ANKRD28: variants seen among roughly 807,000 people sequenced by gnomAD.
The protein encoded by ANKRD28 is serine/threonine-protein phosphatase 6 regulatory ankyrin repeat subunit A.
A neutral mutation model predicts 126.5 loss-of-function variants in ANKRD28; 44 were observed. That is an observed-to-expected ratio of 0.35 (90% CI 0.27 to 0.45). The LOEUF (loss-of-function observed/expected upper bound fraction) is 0.45. ANKRD28 is among the 20% of genes least tolerant of loss of function. The pLI is 1.00. For synonymous variants in ANKRD28, 442 were observed against 468.5 expected, an observed-to-expected ratio of 0.94 and a Z score of 0.73; for missense variants, 1,110 against 1,316.6, an observed-to-expected ratio of 0.84 and a Z score of 2.43.
intron 2 of ANKRD28, among the ~76,000 whole-genome samples, chr3:15,778,528 T>C (rs1016787699): frequency 6.6e-5 from 10 of 152,210 alleles, no homozygotes; most frequent in African/African-American, 2.4e-4. Context: ...CACCCTCCAC[T>C]AGCAGAGAAT....
intron 14 of ANKRD28, among the ~76,000 whole-genome samples, chr3:15,701,647 A>T (rs1019353662): frequency 2.0e-5 from 3 of 152,136 alleles, no homozygotes; most frequent in Non-Finnish European, 2.9e-5. Flanking sequence ...TCCGTCTCAA[A>T]AAATAAATAA....
In ANKRD28 at chr3:15,833,635, T is replaced by C. The variant is rs114917948; in HGVS notation, c.27+25742A>G. 1.7e-3 allele frequency among the ~76,000 whole-genome samples: 261 copies of C among 151,736 alleles called. No individual in the cohort carries two copies. The highest frequency in any genetic ancestry group is 5.9e-3 in the African/African-American group (244 of 41,464). On this transcript the variant is annotated intron_variant, in intron 1 of 27. Transcript: ENST00000399451. The surrounding 1 kb of genome is among the most constrained non-coding windows in gnomAD (Gnocchi z 4.4). ...ATACAGCACCCTTGGCAACATCTGT[T>C]GTTTTTTTGACCTTTTAATAGTAAC...
At chr3:15,688,611 A>C (rs2068425783) in intron 18 of ANKRD28, among the ~76,000 whole-genome samples, 1 of 152,336 alleles carries the variant, frequency 6.6e-6, no homozygotes, top group South Asian at 2.1e-4. Context: ...TGGGAGTAAC[A>C]GTGGGTGTTA....
chr3:15,686,196 T>C lies in ANKRD28; in HGVS notation c.2051+26A>G, dbSNP rs201672117. Reference sequence around the variant, plus strand: ...GTTTTCGAAATACGCCCTTCTGTGATGCAACAATTATTTATCGAAACTTAC... The same window carrying C: ...GTTTTCGAAATACGCCCTTCTGTGACGCAACAATTATTTATCGAAACTTAC... On this transcript the variant is annotated intron_variant, in intron 19 of 27. Transcript: ENST00000683139. 5.0e-6 allele frequency: 8 copies of C among 1,589,402 alleles called. No individual in the cohort carries two copies. The South Asian group carries it at 5.7e-5, about 11-fold the overall frequency.
At chr3:15,699,949 G>A (rs2070310320) in intron 14 of ANKRD28, among the ~76,000 whole-genome samples, 2 of 152,110 alleles carry the variant, frequency 1.3e-5, no homozygotes, top group South Asian at 2.1e-4. Context: ...TGTTTACTGC[G>A]GCACTATTTG....
Position 15,669,424 on chromosome 3 carries a change from A to G in ANKRD28, c.*846T>C, listed in dbSNP as rs1197280093. 1 of 152,156 alleles carries G rather than the reference A, an allele frequency of 6.6e-6. No individual in the cohort carries two copies. Among genetic ancestry groups the G allele is most frequent in the African/African-American group, 2.4e-5 (1 of 41,440 alleles). The allele number at this position is 152,156 out of a possible 1,614,324, so 9.4% of individuals were successfully genotyped here. On this transcript the variant is annotated 3_prime_UTR_variant, in exon 28 of 28. Transcript: ENST00000683139. ...TGAATTTTTTTCTAGGAAATTCTTT[A>G]CATTTTCAAACAAAAATAGTACTAT...
intron 1 of ANKRD28, among the ~76,000 whole-genome samples, chr3:15,850,368 A>G (rs1260657573): frequency 6.6e-6 from 1 of 151,900 alleles, no homozygotes; most frequent in Non-Finnish European, 1.5e-5. Flanking sequence ...CCTAGGGCTA[A>G]CAAATGACCA....
At chr3:15,685,679 A>C (rs556734618) in intron 20 of ANKRD28, among the ~76,000 whole-genome samples, 1 of 152,358 alleles carries the variant, frequency 6.6e-6, no homozygotes, top group East Asian at 1.9e-4. Context: ...GAAACTTGGT[A>C]TTCAATGAAA....
At chr3:15,761,585 T>C (rs2058460403) in intron 3 of ANKRD28, among the ~76,000 whole-genome samples, 2 of 152,182 alleles carry the variant, frequency 1.3e-5, no homozygotes, top group Non-Finnish European at 2.9e-5. Flanking sequence ...CAGAACCTTA[T>C]GAGTCTATAT....
chr3:15,808,845 T>A lies in ANKRD28; in HGVS notation c.28-13539A>T, dbSNP rs1053954755. On this transcript the variant is annotated intron_variant, in intron 1 of 27. Coordinates refer to the ANKRD28 transcript ENST00000399451. ...GAAATTGCTCCAAGGTCATCAATGA[T>A]AATTTATTACAAAATCATCATTATT... Among the ~76,000 whole-genome samples, 10 of 152,224 alleles carry A rather than the reference T, an allele frequency of 6.6e-5. No homozygotes were observed. In the South Asian group the frequency reaches 2.1e-3, roughly 32 times the overall value.
At chr3:15,743,425 A>C (rs1476283653) in intron 4 of ANKRD28, among the ~76,000 whole-genome samples, 1 of 152,226 alleles carries the variant, frequency 6.6e-6, no homozygotes, top group Non-Finnish European at 1.5e-5. Flanking sequence ...TGGAGAGACC[A>C]CACAATATCT....
chr3:15,699,938 ATGTTTAC>A (rs1427111640), intron 14 of ANKRD28, among the ~76,000 whole-genome samples: 1 of 152,224 alleles, frequency 6.6e-6, no homozygotes, highest in Admixed American at 6.5e-5. Context: ...ATGCACACGT[ATGTTTAC>A]TGCGGCACTA....
At chr3:15,735,373 T>C (rs2074946631) in intron 6 of ANKRD28, 37 bp downstream of exon 6, 3 of 1,453,636 alleles carry the variant, frequency 2.1e-6, no homozygotes, top group Admixed American at 2.2e-5. Flanking sequence ...CTTTTCTAAA[T>C]ATATAATATC....
chr3:15,670,539 C>A lies in ANKRD28; in HGVS notation c.2983G>T (p.Ala995Ser), dbSNP rs1416197239. Reference sequence around the variant, plus strand: ...GCCACATCCTTATTGGGAGCACAGGCCAAAGCTGGGGTATAGCCTAGAATT... The same window carrying A: ...GCCACATCCTTATTGGGAGCACAGGACAAAGCTGGGGTATAGCCTAGAATT... The part of the protein sequence containing the change: ...VDENGYTPAL[A>S]CAPNKDVADC... Residue 995 changes from alanine to serine, a missense_variant, in exon 28 of 28, where the codon GCC (alanine) becomes TCC (serine). Transcript: ENST00000683139. The A allele has an allele frequency of 6.2e-7, 1 of 1,613,648 alleles. No individual in the cohort carries two copies. The highest frequency in any genetic ancestry group is 1.1e-5 in the South Asian group (1 of 91,058).
chr3:15,682,272 A>G (rs921860652), intron 21 of ANKRD28, among the ~76,000 whole-genome samples: 1 of 152,192 alleles, frequency 6.6e-6, no homozygotes, highest in African/African-American at 2.4e-5. Flanking sequence ...AAATTTCTCA[A>G]TTACAATTTC....
chr3:15,772,523 C>T (rs918914721), intron 2 of ANKRD28, among the ~76,000 whole-genome samples: 3 of 152,156 alleles, frequency 2.0e-5, no homozygotes, highest in Non-Finnish European at 4.4e-5. Flanking sequence ...GAAAAGGGTA[C>T]TACATCACGA....
rs73817049 is a variant in ANKRD28, at chr3:15,686,449, A to C, written c.1964-140T>G. ...TATGCAAGAATGAAAACTATAGGTA[A>C]AAAGAAGGTTTCTACGGCCTTTGAC... On this transcript the variant is annotated intron_variant, in intron 18 of 27. Coordinates refer to ENST00000683139, the MANE Select transcript of ANKRD28 (RefSeq NM_001349278.2). 0.021 allele frequency: 14,440 copies of C among 691,386 alleles called. 1,457 individuals are homozygous for C. In the African/African-American group the frequency reaches 0.22, roughly 11 times the overall value. The allele number at this position is 691,386 out of a possible 1,614,324, so 42.8% of individuals were successfully genotyped here. A position where few individuals can be genotyped will look rare whatever the true frequency, so the allele number is the denominator to read the frequency against.
At position 15,728,153 on chromosome 3, in the gene ANKRD28, A is replaced by AT. The variant is rs146003651; in HGVS notation, c.641-3630dup. Among the ~76,000 whole-genome samples the AT allele has an allele frequency of 2.1e-3, 318 of 151,528 alleles. 1 individual carries two copies. Among genetic ancestry groups the AT allele is most frequent in the African/African-American group, 6.6e-3 (271 of 41,326 alleles). On this transcript the variant is annotated intron_variant, in intron 6 of 27. Coordinates refer to ENST00000683139, the MANE Select transcript of ANKRD28 (RefSeq NM_001349278.2). ...GCTAAAGGCTCATACGATAGTTAGC[A>AT]TTTTTTTTTAGCAATAACATATTTT...
At chr3:15,745,857 C>T (rs2057443089) in intron 4 of ANKRD28, among the ~76,000 whole-genome samples, 1 of 152,022 alleles carries the variant, frequency 6.6e-6, no homozygotes, top group Non-Finnish European at 1.5e-5. Context: ...GGATATGTTT[C>T]TATTTGTGTT....
Sources: gnomAD v4.1 joint callset for allele counts (sites outside exome capture counted in the v4.1 genomes callset) on GRCh38, gnomAD v4.1.1 for gene constraint, Gnocchi (gnomAD v3.1) non-coding constraint, MANE v1.5 for transcripts, NCBI Gene and HGNC (gene_info 2026-07-23, HGNC 2026-07-21) for gene names.